The following IRF6 variants were observed in gnomAD, a reference collection of about 807,000 sequenced individuals.
IRF6 encodes Van der Woude syndrome.
In IRF6, 6 loss-of-function variants were observed where a neutral mutation model predicts 51.4. That is an observed-to-expected ratio of 0.12 (90% CI 0.06 to 0.23). The LOEUF (loss-of-function observed/expected upper bound fraction) is 0.23. IRF6 is among the 10% of genes least tolerant of loss of function. The pLI, the probability that IRF6 is intolerant of heterozygous loss-of-function variation, is 1.00. For synonymous variants in IRF6, 178 were observed against 215.7 expected (o/e 0.83, Z 1.53); for missense variants, 348 against 585.2 (o/e 0.59, Z 4.18).
chr1:209,789,664 C>T lies in IRF6; in HGVS notation c.1179+3G>A. 6.2e-7 allele frequency: 1 copy of T among 1,600,868 alleles called. No homozygotes were observed. The highest frequency in any genetic ancestry group is 2.2e-5 in the East Asian group (1 of 44,802). The stretch of plus-strand genomic sequence containing the variant: ...AGTTGTTGACACAGCCTTATCTTCT[C>T]ACCTGAACCAAGATGAGTTTCCTTT... On this transcript the variant is annotated splice_donor_region_variant and intron_variant, in intron 8 of 8. Coordinates refer to ENST00000367021, the MANE Select transcript of IRF6 (RefSeq NM_006147.4).
rs774146819 is a variant in IRF6 at position 209,795,718 on chromosome 1, A to G, written c.380-300T>C. ...TTAGTCAAAGTATCCTATGAATTAA[A>G]CGATCAGTCACCCAATATGTATAAA... On this transcript the variant is annotated intron_variant, in intron 4 of 8. Coordinates refer to ENST00000367021, the MANE Select transcript of IRF6 (RefSeq NM_006147.4). 1.8e-4 allele frequency among the ~76,000 whole-genome samples: 28 copies of G among 152,238 alleles called. 1 individual carries two copies. Among genetic ancestry groups the G allele is most frequent in the Non-Finnish European group, 2.5e-4 (17 of 68,044 alleles).
At chr1:209,803,469 G>A (rs1226966403) in intron 1 of IRF6, among the ~76,000 whole-genome samples, 1 of 152,194 alleles carries the variant, frequency 6.6e-6, no homozygotes, top group Non-Finnish European at 1.5e-5. Context: ...ACCAGGAGCT[G>A]CACCTGATGA....
chr1:209,800,095 A>G (rs1051288996), intron 3 of IRF6, among the ~76,000 whole-genome samples: 1 of 152,182 alleles, frequency 6.6e-6, no homozygotes, highest in East Asian at 1.9e-4. Flanking sequence ...CTTATACTCA[A>G]AGAAGAAAAG....
At chr1:209,799,436 G>C (rs1451678190) in intron 3 of IRF6, among the ~76,000 whole-genome samples, 1 of 152,184 alleles carries the variant, frequency 6.6e-6, no homozygotes, top group Non-Finnish European at 1.5e-5. Flanking sequence ...GTTGTCACGA[G>C]AATTAAAAGA....
At chr1:209,801,592 T>A (rs1344243108) in intron 2 of IRF6, among the ~76,000 whole-genome samples, 176 bp from the exon 3 acceptor site, 1 of 152,236 alleles carries the variant, frequency 6.6e-6, no homozygotes, top group Non-Finnish European at 1.5e-5. Context: ...AAAAGGTCCT[T>A]TTTATTCTGA....
At chr1:209,789,978 A>G (rs2077859408) in intron 7 of IRF6, among the ~76,000 whole-genome samples, 193 bp from the exon 8 acceptor site, 2 of 152,248 alleles carry the variant, frequency 1.3e-5, no homozygotes, top group African/African-American at 4.8e-5. Context: ...TGTGACAACC[A>G]TACTGAATAG....
At chr1:209,792,553 C>G in intron 5 of IRF6, 126 bp from the exon 6 acceptor site, 1 of 967,912 alleles carries the variant, frequency 1.0e-6, no homozygotes, top group Non-Finnish European at 1.6e-6. Flanking sequence ...GTGTGATCTT[C>G]CAGCCCATCA....
intron 6 of IRF6, chr1:209,791,169 T>C (rs2077866782): frequency 2.1e-6 from 1 of 466,450 alleles, no homozygotes; most frequent in Non-Finnish European, 2.8e-6. Flanking sequence ...GTGGTCCTGG[T>C]GTCCCCACGC....
intron 2 of IRF6, 79 bp from the exon 3 acceptor site, chr1:209,801,495 C>T: frequency 8.9e-7 from 1 of 1,129,400 alleles, no homozygotes; most frequent in Non-Finnish European, 1.3e-6. Context: ...CCACCTTTCC[C>T]ATCTACTAGA....
In IRF6 at chr1:209,801,234, C is replaced by G. The variant is rs1436840262; in HGVS notation, c.174+6G>C. Reference sequence around the variant, plus strand: ...GAAAGGTCTGATGGTAGAAGAAGTCCTTTACCTTAAAAATGGTATTTTCCT... The same window carrying G: ...GAAAGGTCTGATGGTAGAAGAAGTCGTTTACCTTAAAAATGGTATTTTCCT... On this transcript the variant is annotated splice_donor_region_variant and intron_variant, in intron 3 of 8. Transcript: ENST00000367021. 1.2e-6 allele frequency: 2 copies of G among 1,600,240 alleles called. No individual in the cohort carries two copies. Among genetic ancestry groups the G allele is most frequent in the African/African-American group, 2.7e-5 (2 of 74,082 alleles).
At chr1:209,802,185 A>G (rs577231056) in intron 1 of IRF6, 142 bp from the exon 2 acceptor site, 1 of 152,346 alleles carries the variant, frequency 6.6e-6, no homozygotes, top group African/African-American at 2.4e-5. Flanking sequence ...CCCTAGAATA[A>G]CCAAATACTA....
Position 209,792,211 on chromosome 1 carries a change from A to T in IRF6, c.667+58T>A, listed in dbSNP as rs77401078. On this transcript the variant is annotated intron_variant, in intron 6 of 8. Transcript: ENST00000367021. ...AAGAAATGAAGTTAGAAAGCAGGAC[A>T]GGAAAGAGTCTATAATAGAAGCAGA... 1,779 of 1,539,390 alleles carry T rather than the reference A, an allele frequency of 1.2e-3. 21 individuals carry two copies. In the East Asian group the frequency reaches 0.034, roughly 30 times the overall value.
At chr1:209,799,855 A>C (rs2077928573) in intron 3 of IRF6, among the ~76,000 whole-genome samples, 1 of 152,242 alleles carries the variant, frequency 6.6e-6, no homozygotes, top group Non-Finnish European at 1.5e-5. Context: ...ATCTAAATTA[A>C]GATTTAGATT....
intron 5 of IRF6, among the ~76,000 whole-genome samples, chr1:209,794,132 C>T (rs1407130621): frequency 6.6e-6 from 1 of 152,154 alleles, no homozygotes; most frequent in East Asian, 1.9e-4. Flanking sequence ...GTTTCAAGTT[C>T]TTTGAGAAAT....
chr1:209,790,814 C>T lies in IRF6; in HGVS notation c.741G>A (p.Gln247=). 1 of 1,614,038 alleles carries T rather than the reference C, an allele frequency of 6.2e-7. No individual in the cohort carries two copies. The highest frequency in any genetic ancestry group is 1.1e-5 in the South Asian group (1 of 91,074). Residue 247 remains glutamine, a synonymous_variant, in exon 7 of 9, where the codon CAG becomes CAA. Transcript: ENST00000367021. This position sits in a 1 kb window ranked among gnomAD's most constrained non-coding sequence, Gnocchi z 4.8. ...GGTCCCCATAGAAGAGTCGGCAGCC[C>T]TGAGGGTTGCTCACGGTCATGGTCT... ...YGQTMTVSNP[Q]GCRLFYGDLG... is the part of the protein sequence containing the mutation.
At position 209,786,341 on chromosome 1, in the gene IRF6, G is replaced by A. The variant is rs1381837139; in HGVS notation, c.*2079C>T. On this transcript the variant is annotated 3_prime_UTR_variant, in exon 9 of 9. Coordinates refer to ENST00000367021, the MANE Select transcript of IRF6 (RefSeq NM_006147.4). ...TTCATAAACTTTTTATAGTGGTTAC[G>A]AACCAAAAGCTTGGCATTTCTTGGC... 2.6e-5 allele frequency: 4 copies of A among 152,170 alleles called. No individual in the cohort carries two copies. The highest frequency in any genetic ancestry group is 5.9e-5 in the Non-Finnish European group (4 of 68,048). 9.4% of individuals were successfully genotyped at this position (152,170 alleles called of 1,614,324 possible).
In IRF6 at chr1:209,786,041, A is replaced by AGAGTT. The variant is rs1250313590; in HGVS notation, c.*2378_*2379insAACTC. 6.6e-6 allele frequency: 1 copy of AGAGTT among 152,094 alleles called. No individual in the cohort carries two copies. The highest frequency in any genetic ancestry group is 2.4e-5 in the African/African-American group (1 of 41,394). 9.4% of individuals were successfully genotyped at this position (152,094 alleles called of 1,614,324 possible). ...AAAGAAGAGCTAGTGACAAAATCTA[A>AGAGTT]CTCCCTTCTCAGTCTTAAGCAAGGT... On this transcript the variant is annotated 3_prime_UTR_variant, in exon 9 of 9. Transcript: ENST00000367021.
At chr1:209,792,736 G>A (rs1464524041) in intron 5 of IRF6, 1 of 382,110 alleles carries the variant, frequency 2.6e-6, no homozygotes, top group Non-Finnish European at 4.8e-6. Flanking sequence ...ATTCCATACT[G>A]TAAAATTTGG....
rs1198067613 is a variant in IRF6, at chr1:209,790,934, C to A, written c.668-47G>T. 2 of 1,610,874 alleles carry A rather than the reference C, an allele frequency of 1.2e-6. No individual in the cohort carries two copies. Among genetic ancestry groups the A allele is most frequent in the Non-Finnish European group, 1.7e-6 (2 of 1,180,018 alleles). On this transcript the variant is annotated intron_variant, in intron 6 of 8. Coordinates refer to ENST00000367021, the MANE Select transcript of IRF6 (RefSeq NM_006147.4). This position sits in a 1 kb window ranked among gnomAD's most constrained non-coding sequence, Gnocchi z 4.8. ...TGAGAGTCCTGCTTCACTGCTCTGC[C>A]TGTTCATCCCTGTGACTCATGCAAG...
Sources: gnomAD v4.1 joint callset for allele counts (sites outside exome capture counted in the v4.1 genomes callset) on GRCh38, gnomAD v4.1.1 for gene constraint, Gnocchi (gnomAD v3.1) non-coding constraint, MANE v1.5 for transcripts, NCBI Gene and HGNC (gene_info 2026-07-23, HGNC 2026-07-21) for gene names.